Variants in ATXN1 observed in about 807,000 individuals in gnomAD.
ATXN1 encodes the protein ataxin 1.
A neutral mutation model predicts 56.4 loss-of-function variants in ATXN1; 8 were observed. That is an observed-to-expected ratio of 0.14 (90% CI 0.08 to 0.26). ATXN1 has a LOEUF of 0.26. Among genes scored for constraint, ATXN1 ranks in the 10% least tolerant of loss-of-function variants. The probability of loss-of-function intolerance (pLI) is 1.00; values close to 1 mark genes in which losing one functional copy is unlikely to be tolerated. For missense variants in ATXN1, 987 were observed against 1,106.5 expected (o/e 0.89, Z 1.53); for synonymous variants, 514 against 494.6 (o/e 1.04, Z -0.52).
chr6:16,687,958 T>C (rs1758955409), intron 2 of ATXN1, among the ~76,000 whole-genome samples: 2 of 152,278 alleles, frequency 1.3e-5, no homozygotes, highest in Admixed American at 6.5e-5. Flanking sequence ...ACTTTTAACA[T>C]AGCCATGCTT....
At chr6:16,348,040 T>C (rs1761468199) in intron 6 of ATXN1, among the ~76,000 whole-genome samples, 1 of 152,210 alleles carries the variant, frequency 6.6e-6, no homozygotes, top group Non-Finnish European at 1.5e-5. Flanking sequence ...GACATGCCGC[T>C]TTAAGAACTG....
At position 16,702,854 on chromosome 6, in the gene ATXN1, G is replaced by A. The variant is rs192295648; in HGVS notation, c.-614-44953C>T. On this transcript the variant is annotated intron_variant, in intron 2 of 7. Coordinates refer to ENST00000436367, the MANE Select transcript of ATXN1 (RefSeq NM_001128164.2). The stretch of plus-strand genomic sequence containing the variant: ...CAACAGGTGCTGGAGAGGATGTGGA[G>A]ACATAGGAACATTTTTACACTGTTT... Among the ~76,000 whole-genome samples the A allele has an allele frequency of 2.1e-3, 319 of 152,332 alleles. 2 individuals are homozygous for A. Among genetic ancestry groups the A allele is most frequent in the African/African-American group, 7.4e-3 (306 of 41,576 alleles).
intron 3 of ATXN1, among the ~76,000 whole-genome samples, chr6:16,612,142 A>G (rs1455101935): frequency 6.6e-6 from 1 of 152,014 alleles, no homozygotes; most frequent in African/African-American, 2.4e-5. Context: ...TACAGGTGTG[A>G]GCCACCGCGC....
intron 6 of ATXN1, among the ~76,000 whole-genome samples, chr6:16,430,891 T>G (rs1364099756): frequency 6.6e-6 from 1 of 152,132 alleles, no homozygotes; most frequent in African/African-American, 2.4e-5. Context: ...ATCAAAAGCC[T>G]CTCTAAAAAG....
chr6:16,673,850 C>T (rs1248305899), intron 2 of ATXN1, among the ~76,000 whole-genome samples: 1 of 152,092 alleles, frequency 6.6e-6, no homozygotes, highest in Non-Finnish European at 1.5e-5. Context: ...TTTCTGGCCT[C>T]TACTCACTAG....
chr6:16,544,426 C>A (rs1006007858), intron 4 of ATXN1, among the ~76,000 whole-genome samples: 17 of 152,258 alleles, frequency 1.1e-4, no homozygotes, highest in Admixed American at 9.2e-4. Context: ...CAAGAATGAG[C>A]CTGCAATCCT....
intron 3 of ATXN1, among the ~76,000 whole-genome samples, chr6:16,640,304 G>A (rs1439653917): frequency 1.3e-5 from 2 of 152,288 alleles, no homozygotes; most frequent in East Asian, 1.9e-4. Context: ...AACTTAATCA[G>A]TAAATGTCAT....
At chr6:16,593,825 ATATG>A (rs931970193) in intron 3 of ATXN1, among the ~76,000 whole-genome samples, 148 of 138,734 alleles carry the variant, frequency 1.1e-3, no homozygotes, top group African/African-American at 3.7e-3. Context: ...AAAATTATAT[ATATG>A]TATGTATGTA....
At chr6:16,464,941 T>C (rs566394737) in intron 6 of ATXN1, among the ~76,000 whole-genome samples, 53 of 152,268 alleles carry the variant, frequency 3.5e-4, no homozygotes, top group African/African-American at 1.0e-3. Context: ...AAATGTAAGA[T>C]GCAAGATGTT....
chr6:16,670,045 G>A (rs978617379), intron 2 of ATXN1, among the ~76,000 whole-genome samples: 13 of 151,966 alleles, frequency 8.6e-5, no homozygotes, highest in Non-Finnish European at 1.6e-4. Context: ...AGACTCCTGG[G>A]TCTGGTCACT....
chr6:16,499,178 T>C (rs1340173237), intron 5 of ATXN1, among the ~76,000 whole-genome samples: 3 of 152,206 alleles, frequency 2.0e-5, no homozygotes, highest in Admixed American at 6.5e-5. Context: ...TTTTTGTATA[T>C]GGTGTGAGGT....
At chr6:16,510,550 G>A (rs1482933708) in intron 5 of ATXN1, among the ~76,000 whole-genome samples, 3 of 151,960 alleles carry the variant, frequency 2.0e-5, no homozygotes, top group Non-Finnish European at 4.4e-5. Flanking sequence ...AACCAGAGGA[G>A]CACAGTGAAA....
intron 2 of ATXN1, among the ~76,000 whole-genome samples, chr6:16,698,017 T>C (rs1486846252): frequency 1.3e-5 from 2 of 152,206 alleles, no homozygotes; most frequent in Admixed American, 1.3e-4. Flanking sequence ...CCCACAGTGC[T>C]TTCCTATTGC....
chr6:16,529,982 A>C (rs1384961233), intron 4 of ATXN1, among the ~76,000 whole-genome samples: 1 of 152,226 alleles, frequency 6.6e-6, no homozygotes, highest in Non-Finnish European at 1.5e-5. Context: ...TGAGTCCGTG[A>C]ATGTCCCCAA....
intron 3 of ATXN1, among the ~76,000 whole-genome samples, chr6:16,608,932 T>C (rs1165527886): frequency 1.3e-5 from 2 of 152,198 alleles, no homozygotes; most frequent in Non-Finnish European, 2.9e-5. Flanking sequence ...TTCCCCTCTC[T>C]GTCTTTAGAG....
chr6:16,522,729 C>G (rs1761317861), intron 4 of ATXN1, 41 bp from the exon 5 acceptor site: 1 of 152,150 alleles, frequency 6.6e-6, no homozygotes, highest in African/African-American at 2.4e-5. Flanking sequence ...ATTAATAACT[C>G]CATTCTCTAA....
chr6:16,364,453 G>A (rs1012104741), intron 6 of ATXN1, among the ~76,000 whole-genome samples: 29 of 151,896 alleles, frequency 1.9e-4, no homozygotes, highest in African/African-American at 4.8e-4. Flanking sequence ...ACAGGCACCC[G>A]CCACCACGCC....
chr6:16,643,252 CAAAA>C (rs111830296), intron 3 of ATXN1, among the ~76,000 whole-genome samples: 3 of 106,466 alleles, frequency 2.8e-5, no homozygotes, highest in Non-Finnish European at 2.0e-5. Context: ...ACTCCCAACT[CAAAA>C]AAAAAAAAAA....
intron 6 of ATXN1, among the ~76,000 whole-genome samples, chr6:16,455,209 G>A (rs551435348): frequency 6.6e-6 from 1 of 152,306 alleles, no homozygotes; most frequent in South Asian, 2.1e-4. Context: ...CAACAGAGCT[G>A]TAGAAAACTT....
Sources: allele counts gnomAD v4.1 joint callset (sites outside exome capture counted in the v4.1 genomes callset), GRCh38; gene constraint gnomAD v4.1.1; transcripts MANE v1.5; gene names NCBI Gene and HGNC (gene_info 2026-07-23, HGNC 2026-07-21).